Variants in VPS41 observed in about 807,000 individuals in gnomAD.
VPS41 encodes vacuolar protein sorting-associated protein 41 homolog.
In VPS41, 85 loss-of-function variants were observed where a neutral mutation model predicts 130.9. The observed-to-expected ratio is 0.65, with a 90% CI of 0.55 to 0.78. The LOEUF is 0.78. Among genes scored for constraint, VPS41 ranks in the 30% least tolerant of loss-of-function variants. VPS41 has a pLI of 0.00. For synonymous variants in VPS41, 335 were observed against 332.9 expected (o/e 1.01, Z -0.07); for missense variants, 874 against 1,018.7 (o/e 0.86, Z 1.93).
At chr7:38,895,375 T>C (rs953178304) in intron 2 of VPS41, among the ~76,000 whole-genome samples, 1 of 152,116 alleles carries the variant, frequency 6.6e-6, no homozygotes, top group Admixed American at 6.5e-5. Flanking sequence ...AGGTAGTTTA[T>C]TGTATCTGCA....
intron 1 of VPS41, among the ~76,000 whole-genome samples, chr7:38,899,067 A>T (rs554729372): frequency 6.6e-6 from 1 of 152,238 alleles, no homozygotes; most frequent in Non-Finnish European, 1.5e-5. Context: ...GGACAGCGGG[A>T]TAAATGTAAA....
At chr7:38,770,036 G>A (rs186058229) in intron 14 of VPS41, among the ~76,000 whole-genome samples, 3 of 152,214 alleles carry the variant, frequency 2.0e-5, no homozygotes, top group East Asian at 1.9e-4. Flanking sequence ...TTGGGAGGCC[G>A]AGGCAAGCCG....
intron 16 of VPS41, among the ~76,000 whole-genome samples, 170 bp downstream of exon 16, chr7:38,765,410 T>A (rs1160511493): frequency 1.3e-5 from 2 of 152,068 alleles, no homozygotes; most frequent in Non-Finnish European, 2.9e-5. Flanking sequence ...ATATATTTTT[T>A]TTTACACGAG....
At chr7:38,777,939 C>T (rs1784290489) in intron 10 of VPS41, among the ~76,000 whole-genome samples, 2 of 152,114 alleles carry the variant, frequency 1.3e-5, no homozygotes, top group Admixed American at 1.3e-4. Flanking sequence ...CTGAATTTTC[C>T]TTTGTCCCCC....
At chr7:38,904,067 A>T (rs796289339) in intron 1 of VPS41, among the ~76,000 whole-genome samples, 11 of 152,308 alleles carry the variant, frequency 7.2e-5, no homozygotes, top group African/African-American at 2.2e-4. Context: ...TAGGTTTAAA[A>T]TAAGAGCCTG....
chr7:38,765,406 T>A (rs75256204), intron 16 of VPS41, among the ~76,000 whole-genome samples, 174 bp downstream of exon 16: 3 of 1,276 alleles, frequency 2.4e-3, no homozygotes, highest in Non-Finnish European at 3.8e-3. Context: ...TCTTATATAT[T>A]TTTTTTTACA....
chr7:38,776,673 A>C lies in VPS41; in HGVS notation c.882+6T>G. ...ATGCCTTTGTATCTGGGGAGAAAAT[A>C]ATTACCGTTTTTTCTGAAATCTCCT... On this transcript the variant is annotated splice_donor_region_variant and intron_variant, in intron 11 of 28. Coordinates refer to ENST00000310301, the MANE Select transcript of VPS41 (RefSeq NM_014396.4). The C allele has an allele frequency of 2.2e-5, 34 of 1,560,874 alleles. No individual in the cohort carries two copies. The highest frequency in any genetic ancestry group is 2.6e-5 in the Non-Finnish European group (29 of 1,132,122).
chr7:38,787,932 T>A (rs1450170857), intron 10 of VPS41, among the ~76,000 whole-genome samples: 1 of 152,204 alleles, frequency 6.6e-6, no homozygotes, highest in Non-Finnish European at 1.5e-5. Flanking sequence ...TATCCACATA[T>A]GGTCTATTTC....
chr7:38,743,531 T>C lies in VPS41; in HGVS notation c.1993A>G (p.Asn665Asp), dbSNP rs765553803. 5.6e-6 allele frequency: 9 copies of C among 1,613,796 alleles called. No individual in the cohort carries two copies. Among genetic ancestry groups the C allele is most frequent in the Non-Finnish European group, 7.6e-6 (9 of 1,179,780 alleles). ...ATCATCTTCAGGGCACTTCGGCTAT[T>C]ACCCATTCGGCCTTGGTGGGGTGAA... ...ETVYLLSRMG[N>D]SRSALKMIME... The change falls in exon 24 of 29, where the codon AAT (asparagine) becomes GAT (aspartate). Residue 665 changes from asparagine to aspartate, a missense_variant. Asn to Asp is a conservative substitution (Grantham distance 23, BLOSUM62 1). Coordinates refer to ENST00000310301, the MANE Select transcript of VPS41 (RefSeq NM_014396.4).
At chr7:38,785,666 T>C (rs1315381867) in intron 10 of VPS41, among the ~76,000 whole-genome samples, 2 of 152,230 alleles carry the variant, frequency 1.3e-5, no homozygotes, top group East Asian at 3.9e-4. Context: ...AACCAAATGT[T>C]ACACTTTATT....
At chr7:38,728,214 C>T (rs1332627807) in intron 27 of VPS41, 1 of 499,890 alleles carries the variant, frequency 2.0e-6, no homozygotes, top group Non-Finnish European at 3.6e-6. Flanking sequence ...ATCAACATTA[C>T]CTGGGAACTT....
intron 17 of VPS41, among the ~76,000 whole-genome samples, chr7:38,761,588 C>T (rs545191261): frequency 7.1e-6 from 1 of 140,108 alleles, no homozygotes; most frequent in South Asian, 2.7e-4. Flanking sequence ...CCACCACACA[C>T]AGCCTCTTTC....
intron 21 of VPS41, 100 bp from the exon 22 acceptor site, chr7:38,752,413 T>C (rs970581269): frequency 1.3e-5 from 19 of 1,426,250 alleles, no homozygotes; most frequent in African/African-American, 2.9e-5. Context: ...CATGGACAGG[T>C]TGGGGGAGAA....
chr7:38,849,919 C>G (rs569364884), intron 4 of VPS41, among the ~76,000 whole-genome samples: 106 of 127,254 alleles, frequency 8.3e-4, no homozygotes, highest in African/African-American at 3.0e-3. Context: ...CCTTGCCCCC[C>G]TTCCATATCT....
In VPS41 at chr7:38,869,154, G is replaced by A. The variant is rs201722855; in HGVS notation, c.160C>T (p.His54Tyr). 2.6e-5 allele frequency: 41 copies of A among 1,581,632 alleles called. No homozygotes were observed. Among genetic ancestry groups the A allele is most frequent in the Non-Finnish European group, 2.4e-5 (28 of 1,161,442 alleles). The change falls in exon 3 of 29, where the codon CAT becomes TAT. Residue 54 changes from histidine (H) to tyrosine (Y), a missense_variant. By Grantham distance (83) the His-to-Tyr change is moderately conservative. Coordinates refer to ENST00000310301, the MANE Select transcript of VPS41 (RefSeq NM_014396.4). ...QKDAASCMTV[H>Y]DKFLALGTHY... ...TGAAAGTGCTATCTTACCTTGTCAT[G>A]GACTGTCATGCAGCTAGCTGCATCC... is the stretch of plus-strand genomic sequence containing the variant.
chr7:38,821,110 T>A (rs893964944), intron 6 of VPS41, 93 bp downstream of exon 6: 2 of 929,994 alleles, frequency 2.2e-6, no homozygotes, highest in Non-Finnish European at 3.4e-6. Flanking sequence ...ACTGACAAAA[T>A]TAATACAGAA....
At chr7:38,786,143 G>A (rs1784432149) in intron 10 of VPS41, among the ~76,000 whole-genome samples, 1 of 152,134 alleles carries the variant, frequency 6.6e-6, no homozygotes, top group African/African-American at 2.4e-5. Context: ...AGGAAACATG[G>A]GAAGCACTGT....
At chr7:38,772,895 A>G (rs1158047300) in intron 12 of VPS41, among the ~76,000 whole-genome samples, 2 of 152,144 alleles carry the variant, frequency 1.3e-5, no homozygotes, top group Non-Finnish European at 2.9e-5. Flanking sequence ...AGAAGGACAG[A>G]AAGGGAGGGA....
chr7:38,778,025 A>C (rs952216821), intron 10 of VPS41, among the ~76,000 whole-genome samples: 2 of 152,322 alleles, frequency 1.3e-5, no homozygotes, highest in Admixed American at 6.5e-5. Context: ...CGCAGCTGTT[A>C]TCACAATTTA....
Sources: allele counts gnomAD v4.1 joint callset (sites outside exome capture counted in the v4.1 genomes callset), GRCh38; gene constraint gnomAD v4.1.1; transcripts MANE v1.5; gene names NCBI Gene and HGNC (gene_info 2026-07-23, HGNC 2026-07-21).